Variants in ANO2 observed in about 807,000 individuals in gnomAD.
ANO2 encodes the protein anoctamin-2.
ANO2 carries 101 observed loss-of-function variants against 124.2 expected under a neutral mutation model. The ratio of observed to expected loss-of-function variants is 0.81; its 90% CI spans 0.69 to 0.96. The LOEUF (loss-of-function observed/expected upper bound fraction) is 0.96. Ranked by LOEUF, ANO2 falls within the 40% of genes least tolerant of loss-of-function variation. ANO2 has a pLI of 0.00. For missense variants in ANO2, 1,293 were observed against 1,274.5 expected, an observed-to-expected ratio of 1.01 and a Z score of -0.22; for synonymous variants, 486 against 482.5, an observed-to-expected ratio of 1.01 and a Z score of -0.09.
rs1375964228 is a variant in ANO2, at chr12:5,862,373, C to T, written c.535-8232G>A. 6.6e-6 allele frequency among the ~76,000 whole-genome samples: 1 copy of T among 152,194 alleles called. No homozygotes were observed. Among genetic ancestry groups the T allele is most frequent in the African/African-American group, 2.4e-5 (1 of 41,438 alleles). Reference sequence around the variant, plus strand: ...CTGGTTCCCAACCAACGACCAGGGACAACCCAGGGTCCTATGGACATGAAA... The same window carrying T: ...CTGGTTCCCAACCAACGACCAGGGATAACCCAGGGTCCTATGGACATGAAA... On this transcript the variant is annotated intron_variant, in intron 3 of 24. Transcript: ENST00000682330. This position sits in a 1 kb window ranked among gnomAD's most constrained non-coding sequence, Gnocchi z 4.0.
intron 23 of ANO2, 91 bp from the exon 24 acceptor site, chr12:5,565,754 C>A: frequency 9.6e-7 from 1 of 1,037,132 alleles, no homozygotes; most frequent in Non-Finnish European, 1.4e-6. Flanking sequence ...CTGGCTGGAG[C>A]ATCAGGCACG....
intron 10 of ANO2, among the ~76,000 whole-genome samples, chr12:5,797,672 C>T (rs1214900018): frequency 6.6e-6 from 1 of 152,158 alleles, no homozygotes; most frequent in East Asian, 1.9e-4. Flanking sequence ...TCACCATCTG[C>T]CTTGGCTCCC....
chr12:5,574,286 G>C (rs1942285118), intron 23 of ANO2, among the ~76,000 whole-genome samples: 1 of 152,154 alleles, frequency 6.6e-6, no homozygotes, highest in South Asian at 2.1e-4. Flanking sequence ...TGGGTAAATA[G>C]TGGAGAGTTT....
chr12:5,718,638 T>A (rs1198313560), intron 14 of ANO2, among the ~76,000 whole-genome samples: 1 of 152,232 alleles, frequency 6.6e-6, no homozygotes, highest in African/African-American at 2.4e-5. Flanking sequence ...CCTGGTCTAA[T>A]ACATAATGTA....
intron 4 of ANO2, among the ~76,000 whole-genome samples, chr12:5,835,998 C>A (rs12313410): frequency 9.2e-5 from 14 of 152,160 alleles, no homozygotes; most frequent in African/African-American, 2.7e-4. Context: ...GGCATGTGTG[C>A]GGTAATTAGT....
chr12:5,576,425 G>A (rs1005508841), intron 22 of ANO2, among the ~76,000 whole-genome samples: 2 of 152,222 alleles, frequency 1.3e-5, no homozygotes, highest in South Asian at 4.1e-4. Context: ...GAATGCCCAT[G>A]TACATCTGCC....
rs774779348 is a variant in ANO2, at chr12:5,921,115, C to T, written c.459G>A (p.Glu153=). The T allele has an allele frequency of 6.2e-7, 1 of 1,613,990 alleles. No individual in the cohort carries two copies. Among genetic ancestry groups the T allele is most frequent in the South Asian group, 1.1e-5 (1 of 91,076 alleles). ...ATTCCTCCCGCTGCTCCTTCCTCTC[C>T]TCCTCCAGGGCATCGAGCGGTCCCA... ...IELGPLDALE[E]ERKEQREEFE... The change falls in exon 3 of 25, where the codon GAG becomes GAA. Residue 153 remains glutamate (E), a synonymous_variant. Transcript: ENST00000682330.
At position 5,918,313 on chromosome 12, in the gene ANO2, C is replaced by A. The variant is rs1249562947; in HGVS notation, c.534+2727G>T. Among the ~76,000 whole-genome samples the A allele has an allele frequency of 2.6e-5, 4 of 152,186 alleles. No individual in the cohort carries two copies. The East Asian group carries it at 7.7e-4, about 29-fold the overall frequency. On this transcript the variant is annotated intron_variant, in intron 3 of 24. Coordinates refer to ENST00000682330, the MANE Select transcript of ANO2 (RefSeq NM_001364791.2). ...CTTCTGCCTTAAGGGTCTGGCAAAG[C>A]AGCACAGGCCAGCACCATGAGGCAT...
intron 10 of ANO2, among the ~76,000 whole-genome samples, chr12:5,791,839 A>C (rs1952707060): frequency 6.6e-6 from 1 of 152,216 alleles, no homozygotes; most frequent in Admixed American, 6.5e-5. Context: ...CAAAGCTCTT[A>C]AGCTAAGGAA....
intron 10 of ANO2, among the ~76,000 whole-genome samples, chr12:5,797,884 G>A (rs1437278618): frequency 1.3e-5 from 2 of 152,176 alleles, no homozygotes; most frequent in Non-Finnish European, 2.9e-5. Flanking sequence ...GGAACCGCCA[G>A]GCCCCAGAGC....
In ANO2 at chr12:5,588,302, T is replaced by C. The variant is rs147027366; in HGVS notation, c.2234-9784A>G. On this transcript the variant is annotated intron_variant, in intron 20 of 24. Transcript: ENST00000682330. ...TCATTTTTGTTCGAAGTCCAAGACA[T>C]GGGCCCTTCTGGAACGGGGGAGGTC... 4.7e-3 allele frequency among the ~76,000 whole-genome samples: 719 copies of C among 152,074 alleles called. 8 individuals carry two copies. Among genetic ancestry groups the C allele is most frequent in the African/African-American group, 0.014 (594 of 41,398 alleles).
chr12:5,880,746 T>C (rs1231032985), intron 3 of ANO2, among the ~76,000 whole-genome samples: 1 of 150,982 alleles, frequency 6.6e-6, no homozygotes, highest in Admixed American at 6.7e-5. Context: ...AGATATTTGA[T>C]AAATGATGGG....
At chr12:5,683,748 TAAG>T (rs1948595104) in intron 14 of ANO2, among the ~76,000 whole-genome samples, 2 of 151,964 alleles carry the variant, frequency 1.3e-5, no homozygotes, top group African/African-American at 4.8e-5. Context: ...ATGATCGGTG[TAAG>T]AGAACTTTAG....
intron 14 of ANO2, among the ~76,000 whole-genome samples, chr12:5,669,137 C>A (rs1283417857): frequency 6.6e-6 from 1 of 152,050 alleles, no homozygotes; most frequent in African/African-American, 2.4e-5. Flanking sequence ...TTACTGTGGG[C>A]CATTTTCACA....
At chr12:5,923,163 TAC>T (rs60529043) in intron 1 of ANO2, among the ~76,000 whole-genome samples, 456 of 16,142 alleles carry the variant, frequency 0.028, 71 homozygotes, top group African/African-American at 0.061. Context: ...CACACACGCA[TAC>T]ACACACACGC....
intron 11 of ANO2, among the ~76,000 whole-genome samples, chr12:5,745,169 T>C (rs1011642197): frequency 6.6e-6 from 1 of 152,334 alleles, no homozygotes; most frequent in East Asian, 1.9e-4. Flanking sequence ...ATATGAATGC[T>C]TGGAAATAAG....
At chr12:5,722,245 G>A (rs1033025157) in intron 14 of ANO2, among the ~76,000 whole-genome samples, 12 of 152,314 alleles carry the variant, frequency 7.9e-5, no homozygotes, top group Admixed American at 6.5e-4. Context: ...GGGGGCTCAC[G>A]CCTGTAATCC....
intron 7 of ANO2, among the ~76,000 whole-genome samples, chr12:5,820,752 C>A (rs11615843): frequency 0.036 from 5,484 of 152,324 alleles, 146 homozygotes; most frequent in African/African-American, 0.066. Context: ...TCCCATTTGG[C>A]CTGTGCAGAA....
chr12:5,628,234 C>T (rs954364503), intron 16 of ANO2, among the ~76,000 whole-genome samples: 7 of 152,200 alleles, frequency 4.6e-5, no homozygotes, highest in East Asian at 1.9e-4. Flanking sequence ...GTGGGACAGG[C>T]GGCTGCACTC....
Sources: gnomAD v4.1 joint callset for allele counts (sites outside exome capture counted in the v4.1 genomes callset) on GRCh38, gnomAD v4.1.1 for gene constraint, Gnocchi (gnomAD v3.1) non-coding constraint, MANE v1.5 for transcripts, NCBI Gene and HGNC (gene_info 2026-07-23, HGNC 2026-07-21) for gene names.